ZPLD1: variants seen among roughly 807,000 people sequenced by gnomAD.
The protein encoded by ZPLD1 is zona pellucida like domain containing 1, also known as zona pellucida-like domain-containing protein 1.
ZPLD1 carries 34 observed loss-of-function variants against 47.2 expected under a neutral mutation model. The observed-to-expected ratio is 0.72, with a 90% CI of 0.55 to 0.96. ZPLD1 has a LOEUF of 0.96. Among genes scored for constraint, ZPLD1 ranks in the 40% least tolerant of loss-of-function variants. ZPLD1 has a pLI of 0.00. For missense variants in ZPLD1, 512 were observed against 505.8 expected (o/e 1.01, Z -0.12); for synonymous variants, 176 against 186.2 (o/e 0.95, Z 0.45).
intron 8 of ZPLD1, among the ~76,000 whole-genome samples, chr3:102,429,843 T>G (rs1706995675): frequency 6.6e-6 from 1 of 152,220 alleles, no homozygotes; most frequent in African/African-American, 2.4e-5. Context: ...CAATATCTAA[T>G]TGGAATCTCC....
In ZPLD1 at chr3:102,478,094, A is replaced by G. The variant is rs1171288615; in HGVS notation, c.*476A>G. On this transcript the variant is annotated 3_prime_UTR_variant, in exon 12 of 12. Transcript: ENST00000466937. The stretch of plus-strand genomic sequence containing the variant: ...GGATGTGTTTTAATAGGACTGGCCA[A>G]TTTGGATACCTGAGATTTAACTACT... 2 of 152,394 alleles carry G rather than the reference A, an allele frequency of 1.3e-5. No individual in the cohort carries two copies. Among genetic ancestry groups the G allele is most frequent in the East Asian group, 3.9e-4 (2 of 5,182 alleles). The allele number at this position is 152,394 out of a possible 1,614,324, so 9.4% of individuals were successfully genotyped here.
At chr3:102,437,045 G>T (rs566070848) in intron 2 of ZPLD1, 72 bp downstream of exon 2, 8 of 631,248 alleles carry the variant, frequency 1.3e-5, no homozygotes, top group Admixed American at 6.3e-5. Context: ...CTCCAAAAGA[G>T]CAAGACTGTC....
At chr3:102,443,100 T>C (rs1027798029) in intron 3 of ZPLD1, among the ~76,000 whole-genome samples, 1 of 152,152 alleles carries the variant, frequency 6.6e-6, no homozygotes, top group African/African-American at 2.4e-5. Flanking sequence ...TAGGCTAAAC[T>C]TTCTGGCCTC....
upstream of ZPLD1, among the ~76,000 whole-genome samples, chr3:102,432,345 C>T (rs1181064576): frequency 6.6e-6 from 1 of 152,020 alleles, no homozygotes; most frequent in East Asian, 1.9e-4. Context: ...CTCACCGATG[C>T]CAAAGAACTC....
rs188079886 is a variant in ZPLD1 at position 102,477,431 on chromosome 3, T to C, written c.1073-12T>C. 6.8e-6 allele frequency: 11 copies of C among 1,608,084 alleles called. No individual in the cohort carries two copies. The African/African-American group carries it at 1.3e-4, about 20-fold the overall frequency. ...GGGGCCTTTACAACCGGGTGTGTTTTATTATTTGCAGGTTCTCCAAGTATG... is the reference window on the plus strand; with the variant it reads ...GGGGCCTTTACAACCGGGTGTGTTTCATTATTTGCAGGTTCTCCAAGTATG... On this transcript the variant is annotated splice_polypyrimidine_tract_variant and intron_variant, in intron 11 of 11. Transcript: ENST00000466937.
intron 3 of ZPLD1, 64 bp downstream of exon 3, chr3:102,438,657 G>A: frequency 7.8e-7 from 1 of 1,285,424 alleles, no homozygotes; most frequent in Non-Finnish European, 1.1e-6. Context: ...TGAAGAGCAA[G>A]TCATTTAAAT....
At chr3:102,420,944 A>C (rs1471863120) in intron 8 of ZPLD1, among the ~76,000 whole-genome samples, 1 of 151,986 alleles carries the variant, frequency 6.6e-6, no homozygotes, top group Non-Finnish European at 1.5e-5. Flanking sequence ...TCTGTGAAAA[A>C]TACAGATGCT....
intron 5 of ZPLD1, 51 bp from the exon 6 acceptor site, chr3:102,457,730 C>G: frequency 1.3e-6 from 2 of 1,555,114 alleles, no homozygotes; most frequent in South Asian, 2.2e-5. Context: ...CTAGGTATCA[C>G]TTTTACTCTA....
At chr3:102,457,668 A>T in intron 5 of ZPLD1, 113 bp from the exon 6 acceptor site, 1 of 917,202 alleles carries the variant, frequency 1.1e-6, no homozygotes, top group African/African-American at 1.7e-5. Flanking sequence ...TCCAGGTATA[A>T]TTAACAGTAT....
chr3:102,435,703 C>T (rs142125296), intron 1 of ZPLD1, among the ~76,000 whole-genome samples: 5 of 144,618 alleles, frequency 3.5e-5, no homozygotes, highest in Admixed American at 7.2e-5. Flanking sequence ...AGTGCAGTGG[C>T]GAGATCTCAG....
At chr3:102,440,288 G>T (rs141487143) in intron 3 of ZPLD1, among the ~76,000 whole-genome samples, 1,684 of 152,260 alleles carry the variant, frequency 0.011, 29 homozygotes, top group Middle Eastern at 0.037. Context: ...TAGACTAGAG[G>T]CAGAGAGAAA....
chr3:102,456,321 A>G lies in ZPLD1; in HGVS notation c.456A>G (p.Lys152=), dbSNP rs545671413. 6.2e-7 allele frequency: 1 copy of G among 1,613,702 alleles called. No individual in the cohort carries two copies. Among genetic ancestry groups the G allele is most frequent in the South Asian group, 1.1e-5 (1 of 91,040 alleles). The part of the protein sequence containing the change: ...IISYLPGLLY[K]FSCSYPLEYL... ...GCTATCTACCTGGGCTTCTTTACAA[A>G]TTTAGTTGTAGTTATCCATTGGAAT... Residue 152 remains lysine (K), a synonymous_variant, in exon 5 of 12, where the codon AAA becomes AAG. Transcript: ENST00000466937.
intron 10 of ZPLD1, among the ~76,000 whole-genome samples, chr3:102,471,950 C>T (rs1230353183): frequency 6.6e-6 from 1 of 152,024 alleles, no homozygotes; most frequent in Non-Finnish European, 1.5e-5. Context: ...AGCCTTAATG[C>T]TGTTATTATG....
intron 3 of ZPLD1, among the ~76,000 whole-genome samples, chr3:102,448,386 G>C (rs1033783499): frequency 5.9e-5 from 9 of 152,216 alleles, no homozygotes; most frequent in African/African-American, 2.2e-4. Flanking sequence ...GAGAGCAACT[G>C]TTATTCAGTG....
At chr3:102,472,862 G>A (rs925225087) in intron 10 of ZPLD1, among the ~76,000 whole-genome samples, 11 of 152,248 alleles carry the variant, frequency 7.2e-5, no homozygotes, top group African/African-American at 2.6e-4. Flanking sequence ...TTTTTTAGCT[G>A]TATTCCTCCA....
At chr3:102,455,126 A>G (rs1028449627) in intron 4 of ZPLD1, among the ~76,000 whole-genome samples, 1 of 152,226 alleles carries the variant, frequency 6.6e-6, no homozygotes, top group Non-Finnish European at 1.5e-5. Flanking sequence ...AATTAACTAG[A>G]TAATTGCCAC....
In ZPLD1 at chr3:102,461,040, T is replaced by G. The variant is rs191516893; in HGVS notation, c.583-1241T>G. Among the ~76,000 whole-genome samples, 144 of 152,116 alleles carry G rather than the reference T, an allele frequency of 9.5e-4. 1 individual carries two copies. Among genetic ancestry groups the G allele is most frequent in the African/African-American group, 3.3e-3 (136 of 41,574 alleles). Reference sequence around the variant, plus strand: ...GTTTTTAAGTATATCTCTTATATATTTGGCTTTATTTGGCAATAAAATGTT... The same window carrying G: ...GTTTTTAAGTATATCTCTTATATATGTGGCTTTATTTGGCAATAAAATGTT... On this transcript the variant is annotated intron_variant, in intron 6 of 11. Transcript: ENST00000466937.
At chr3:102,429,604 T>G (rs1706991836) in intron 8 of ZPLD1, among the ~76,000 whole-genome samples, 1 of 152,212 alleles carries the variant, frequency 6.6e-6, no homozygotes. Context: ...GACTTGATAT[T>G]GGATGCTCTT....
At chr3:102,451,759 C>T (rs1197227885) in intron 3 of ZPLD1, among the ~76,000 whole-genome samples, 1 of 152,156 alleles carries the variant, frequency 6.6e-6, no homozygotes, top group African/African-American at 2.4e-5. Context: ...AGATGCATCA[C>T]TCCAATCCTC....
Sources: gnomAD v4.1 joint callset for allele counts (sites outside exome capture counted in the v4.1 genomes callset) on GRCh38, gnomAD v4.1.1 for gene constraint, MANE v1.5 for transcripts, NCBI Gene and HGNC (gene_info 2026-07-23, HGNC 2026-07-21) for gene names.